The following RAPGEF4 variants were observed in gnomAD, a reference collection of about 807,000 sequenced individuals.
The protein encoded by RAPGEF4 is RAP guanine-nucleotide-exchange factor (GEF) 4.
RAPGEF4 carries 66 observed loss-of-function variants against 147.9 expected under a neutral mutation model. The ratio of observed to expected loss-of-function variants is 0.45; its 90% CI spans 0.37 to 0.55. RAPGEF4 has a LOEUF of 0.55. Ranked by LOEUF, RAPGEF4 falls within the 20% of genes least tolerant of loss-of-function variation. The probability of loss-of-function intolerance (pLI) is 0.00; values close to 1 mark genes in which losing one functional copy is unlikely to be tolerated. For synonymous variants in RAPGEF4, 419 were observed against 442.7 expected, an observed-to-expected ratio of 0.95 and a Z score of 0.67; for missense variants, 1,071 against 1,257.3, an observed-to-expected ratio of 0.85 and a Z score of 2.24.
At chr2:172,903,524 G>A (rs1200080661) in intron 4 of RAPGEF4, among the ~76,000 whole-genome samples, 9 of 151,140 alleles carry the variant, frequency 6.0e-5, no homozygotes. Context: ...GGCGACAAGA[G>A]TGAAACTCCA....
At chr2:172,852,556 A>G (rs1361965195) in intron 4 of RAPGEF4, among the ~76,000 whole-genome samples, 2 of 152,136 alleles carry the variant, frequency 1.3e-5, no homozygotes, top group Non-Finnish European at 2.9e-5. Context: ...TGATTCTTCT[A>G]TACAAAAAAT....
intron 26 of RAPGEF4, 47 bp downstream of exon 26, chr2:173,030,301 A>G (rs1697068364): frequency 7.0e-7 from 1 of 1,419,298 alleles, no homozygotes; most frequent in African/African-American, 1.4e-5. Context: ...TTAGGAATAA[A>G]AACACAGGCT....
At chr2:172,986,413 G>A (rs565612531) in intron 12 of RAPGEF4, among the ~76,000 whole-genome samples, 71 of 152,306 alleles carry the variant, frequency 4.7e-4, no homozygotes, top group African/African-American at 1.6e-3. Flanking sequence ...AATTGTAAAT[G>A]TGGTTTTTTT....
chr2:172,978,490 G>A (rs1012681969), intron 10 of RAPGEF4, among the ~76,000 whole-genome samples: 4 of 152,172 alleles, frequency 2.6e-5, no homozygotes, highest in African/African-American at 4.8e-5. Context: ...TCCTCCTGGG[G>A]CGTCTGTCTT....
At chr2:172,870,380 G>A (rs1429838644) in intron 4 of RAPGEF4, among the ~76,000 whole-genome samples, 1 of 152,086 alleles carries the variant, frequency 6.6e-6, no homozygotes, top group Non-Finnish European at 1.5e-5. Context: ...TATCCATCAT[G>A]TCTTTTTTGA....
chr2:172,796,323 C>T (rs377448603), intron 2 of RAPGEF4, among the ~76,000 whole-genome samples: 2 of 152,192 alleles, frequency 1.3e-5, no homozygotes, highest in South Asian at 2.1e-4. Flanking sequence ...CAGTGGCTCA[C>T]GCTTGTAATC....
At chr2:172,996,101 C>T (rs1044510731) in intron 15 of RAPGEF4, among the ~76,000 whole-genome samples, 3 of 152,164 alleles carry the variant, frequency 2.0e-5, no homozygotes, top group African/African-American at 4.8e-5. Flanking sequence ...CTTCCCCTCA[C>T]CAGCTCCCCC....
At chr2:172,974,691 A>T (rs1055730271) in intron 10 of RAPGEF4, among the ~76,000 whole-genome samples, 1 of 152,174 alleles carries the variant, frequency 6.6e-6, no homozygotes, top group Non-Finnish European at 1.5e-5. Context: ...TCAAAAAAAT[A>T]AAATTATTAT....
At chr2:172,913,040 C>T (rs1290685164) in intron 4 of RAPGEF4, among the ~76,000 whole-genome samples, 6 of 151,926 alleles carry the variant, frequency 3.9e-5, no homozygotes, top group African/African-American at 9.7e-5. Context: ...GGATTACAGG[C>T]GCCCACCACC....
chr2:173,016,577 T>C, intron 19 of RAPGEF4, 140 bp downstream of exon 19: 1 of 666,968 alleles, frequency 1.5e-6, no homozygotes, highest in Non-Finnish European at 2.6e-6. Context: ...GCTGAGGGCA[T>C]AGGTGGTGCA....
At chr2:172,830,848 A>C (rs1355872429) in intron 4 of RAPGEF4, among the ~76,000 whole-genome samples, 3 of 152,216 alleles carry the variant, frequency 2.0e-5, no homozygotes, top group Non-Finnish European at 4.4e-5. Flanking sequence ...TGTGGTACAA[A>C]ATTCCAAAAG....
intron 17 of RAPGEF4, among the ~76,000 whole-genome samples, chr2:173,003,728 T>C (rs1694179901): frequency 6.6e-6 from 1 of 152,158 alleles, no homozygotes; most frequent in Non-Finnish European, 1.5e-5. Context: ...TCACAACTTA[T>C]TTATTTGAAA....
rs534459743 is a variant in RAPGEF4, at chr2:172,760,696, C to T, written c.65+24648C>T. ...TCACGCCACTGCACTCCAGCCTGGG[C>T]GACAGAGCGAGACTCCATCTCAAAA... On this transcript the variant is annotated intron_variant, in intron 1 of 30. Transcript: ENST00000397081. 2.1e-3 allele frequency among the ~76,000 whole-genome samples: 295 copies of T among 143,192 alleles called. 1 individual carries two copies. Among genetic ancestry groups the T allele is most frequent in the Non-Finnish European group, 3.2e-3 (213 of 66,622 alleles). The allele number at this position is 143,192 out of a possible 152,430, so 93.9% of individuals were successfully genotyped here. A position where few individuals can be genotyped will look rare whatever the true frequency, so the allele number is the denominator to read the frequency against.
At chr2:173,045,597 G>A (rs929390618) in intron 29 of RAPGEF4, among the ~76,000 whole-genome samples, 3 of 152,222 alleles carry the variant, frequency 2.0e-5, no homozygotes, top group Non-Finnish European at 4.4e-5. Context: ...CATTGCCGTG[G>A]CATTTGTAAA....
At chr2:173,004,837 T>C (rs1694277195) in intron 17 of RAPGEF4, among the ~76,000 whole-genome samples, 1 of 152,070 alleles carries the variant, frequency 6.6e-6, no homozygotes, top group African/African-American at 2.4e-5. Context: ...ACATGTGCTT[T>C]TTGGTAATAT....
intron 3 of RAPGEF4, among the ~76,000 whole-genome samples, chr2:172,801,224 G>A (rs150363734): frequency 1.7e-4 from 26 of 152,260 alleles, no homozygotes; most frequent in Admixed American, 8.5e-4. Flanking sequence ...TCTGCTGGGC[G>A]CACTCATGAA....
chr2:172,807,504 CACAT>C (rs1687621073), intron 3 of RAPGEF4, among the ~76,000 whole-genome samples: 1 of 152,210 alleles, frequency 6.6e-6, no homozygotes, highest in South Asian at 2.1e-4. Flanking sequence ...GCTTCTGCAG[CACAT>C]ACAATCTAAC....
chr2:173,036,638 T>C lies in RAPGEF4; in HGVS notation c.2799T>C (p.Phe933=). The change falls in exon 29 of 31, where the codon TTT becomes TTC. Residue 933 remains phenylalanine (F), a synonymous_variant. Transcript: ENST00000397081. ...FMPLLIKDMT[F]THEGNKTFID... is the part of the protein sequence containing the mutation. ...TTTATTTCTTTACAGATATGACATT[T>C]ACTCATGAGGGGAACAAGACGTTCA... The C allele has an allele frequency of 6.2e-7, 1 of 1,610,546 alleles. No homozygotes were observed.
At chr2:172,919,641 C>G (rs958559147) in intron 5 of RAPGEF4, among the ~76,000 whole-genome samples, 2 of 152,152 alleles carry the variant, frequency 1.3e-5, no homozygotes, top group African/African-American at 4.8e-5. Context: ...CAAACACTTC[C>G]CAAACCAACA....
Sources: allele counts gnomAD v4.1 joint callset (sites outside exome capture counted in the v4.1 genomes callset), GRCh38; gene constraint gnomAD v4.1.1; transcripts MANE v1.5; gene names NCBI Gene and HGNC (gene_info 2026-07-23, HGNC 2026-07-21).